CPXM2: variants seen among roughly 807,000 people sequenced by gnomAD.
CPXM2 encodes inactive carboxypeptidase-like protein X2.
CPXM2 carries 66 observed loss-of-function variants against 86.1 expected under a neutral mutation model. The ratio of observed to expected loss-of-function variants is 0.77; its 90% CI spans 0.63 to 0.94. The LOEUF is 0.94. Among genes scored for constraint, CPXM2 ranks in the 40% least tolerant of loss-of-function variants. The pLI is 0.00. For synonymous variants in CPXM2, 388 were observed against 400.2 expected (o/e 0.97, Z 0.36); for missense variants, 948 against 1,026.3 (o/e 0.92, Z 1.04).
chr10:123,768,492 T>A (rs779224061), intron 9 of CPXM2, 34 bp downstream of exon 9: 1 of 1,572,392 alleles, frequency 6.4e-7, no homozygotes, highest in South Asian at 1.1e-5. Context: ...TCGCTGCCCA[T>A]GTCCTATTGG....
intron 4 of CPXM2, among the ~76,000 whole-genome samples, chr10:123,839,318 C>T (rs1452748597): frequency 1.3e-5 from 2 of 152,204 alleles, no homozygotes; most frequent in African/African-American, 4.8e-5. Flanking sequence ...CTTCTCTTCC[C>T]AAACCCCTCC....
chr10:123,840,028 T>C (rs1848356239), intron 4 of CPXM2, among the ~76,000 whole-genome samples: 1 of 152,216 alleles, frequency 6.6e-6, no homozygotes. Flanking sequence ...CTAGCTGAAA[T>C]GGAATGTGAG....
At position 123,872,538 on chromosome 10, in the gene CPXM2, TAGGAAGG is replaced by T. The variant is rs138761929; in HGVS notation, c.403+7666_403+7672del. Among the ~76,000 whole-genome samples the T allele has an allele frequency of 8.4e-3, 1,272 of 152,284 alleles. 10 individuals are homozygous for T. Among genetic ancestry groups the T allele is most frequent in the African/African-American group, 0.029 (1,196 of 41,548 alleles). ...AGGAGTAATGGTTACTGGCTGGAAG[TAGGAAGG>T]AGGCCTGAAGTTGAGACCTCAGAAC... On this transcript the variant is annotated intron_variant, in intron 2 of 13. Transcript: ENST00000241305.
intron 13 of CPXM2, among the ~76,000 whole-genome samples, chr10:123,748,411 T>C (rs1049474916): frequency 6.6e-6 from 1 of 152,170 alleles, no homozygotes; most frequent in African/African-American, 2.4e-5. Context: ...GTCTCCCACA[T>C]ACACAGATCT....
chr10:123,752,104 T>G, intron 13 of CPXM2: 1 of 985,344 alleles, frequency 1.0e-6, no homozygotes, highest in Middle Eastern at 5.2e-4. Context: ...CAAAGGAGCT[T>G]CATTTGTAAT....
intron 2 of CPXM2, among the ~76,000 whole-genome samples, chr10:123,872,028 A>G (rs1487560789): frequency 6.6e-6 from 1 of 152,186 alleles, no homozygotes; most frequent in African/African-American, 2.4e-5. Context: ...CACCAATAGG[A>G]AGAAAATAAA....
At chr10:123,805,424 A>C (rs1847557463) in intron 4 of CPXM2, among the ~76,000 whole-genome samples, 1 of 152,120 alleles carries the variant, frequency 6.6e-6, no homozygotes, top group Admixed American at 6.5e-5. Context: ...TTAGTTCAAA[A>C]TATTAATTCT....
chr10:123,914,010 TG>T, intron 2 of CPXM2: 1 of 494,760 alleles, frequency 2.0e-6, no homozygotes, highest in South Asian at 1.5e-5. Flanking sequence ...TTCCCTCCCC[TG>T]GGGTTTCAGA....
chr10:123,940,534 C>CTG (rs1245217878), upstream of CPXM2, among the ~76,000 whole-genome samples: 3 of 152,234 alleles, frequency 2.0e-5, no homozygotes, highest in African/African-American at 7.2e-5. Flanking sequence ...GATCTACACT[C>CTG]TGTGTGTGGG....
intron 2 of CPXM2, among the ~76,000 whole-genome samples, chr10:123,925,914 C>G (rs1332116281): frequency 6.6e-6 from 1 of 152,198 alleles, no homozygotes; most frequent in Non-Finnish European, 1.5e-5. Context: ...GGTCCAAGAT[C>G]TATGCATTAG....
chr10:123,794,440 G>T (rs1847279318), intron 6 of CPXM2, among the ~76,000 whole-genome samples: 1 of 152,182 alleles, frequency 6.6e-6, no homozygotes, highest in South Asian at 2.1e-4. Context: ...GTAATCATGT[G>T]CAAAGCTCAC....
intron 3 of CPXM2, among the ~76,000 whole-genome samples, chr10:123,856,902 T>C (rs1479555173): frequency 1.3e-5 from 2 of 152,154 alleles, no homozygotes; most frequent in Admixed American, 6.5e-5. Context: ...CTAAGCATGA[T>C]TTTAGAGGTC....
upstream of CPXM2, among the ~76,000 whole-genome samples, chr10:123,895,166 C>G (rs1945326924): frequency 7.1e-6 from 1 of 141,368 alleles, no homozygotes. Flanking sequence ...CTTTGTCACC[C>G]TGGCTTGAGT....
chr10:123,877,622 C>T (rs1230810665), intron 2 of CPXM2, among the ~76,000 whole-genome samples: 5 of 152,198 alleles, frequency 3.3e-5, no homozygotes, highest in African/African-American at 9.7e-5. Context: ...TTGGCCTAAA[C>T]GAGGCTCATG....
chr10:123,851,133 A>T (rs547951003), intron 3 of CPXM2, among the ~76,000 whole-genome samples: 4 of 152,120 alleles, frequency 2.6e-5, no homozygotes, highest in Non-Finnish European at 5.9e-5. Context: ...TGGCCATGAC[A>T]TTGCTCCATA....
chr10:123,880,455 G>A, intron 1 of CPXM2, 146 bp from the exon 2 acceptor site: 1 of 590,002 alleles, frequency 1.7e-6, no homozygotes, highest in South Asian at 2.1e-5. Context: ...ACTTTAAGGA[G>A]TCTCTAGTTA....
At chr10:123,878,002 A>T (rs577245449) in intron 2 of CPXM2, among the ~76,000 whole-genome samples, 1 of 152,118 alleles carries the variant, frequency 6.6e-6, no homozygotes, top group Non-Finnish European at 1.5e-5. Flanking sequence ...CACCTTGAAC[A>T]TAATGTAGTT....
intron 13 of CPXM2, among the ~76,000 whole-genome samples, chr10:123,747,624 T>C (rs1048062530): frequency 2.0e-5 from 3 of 152,118 alleles, no homozygotes; most frequent in African/African-American, 4.8e-5. Flanking sequence ...ATGAGACCCA[T>C]GCTGGAGCTG....
chr10:123,765,612 G>C (rs1846452741), intron 10 of CPXM2, among the ~76,000 whole-genome samples: 1 of 152,206 alleles, frequency 6.6e-6, no homozygotes, highest in Non-Finnish European at 1.5e-5. Context: ...AGGTTCTGTG[G>C]GAAACATGAG....
Sources: gnomAD v4.1 joint callset for allele counts (sites outside exome capture counted in the v4.1 genomes callset) on GRCh38, gnomAD v4.1.1 for gene constraint, MANE v1.5 for transcripts, NCBI Gene and HGNC (gene_info 2026-07-23, HGNC 2026-07-21) for gene names.